PRKAR2A: variants seen among roughly 807,000 people sequenced by gnomAD.
PRKAR2A encodes the protein cAMP-dependent protein kinase type II-alpha regulatory subunit.
In PRKAR2A, 29 loss-of-function variants were observed where a neutral mutation model predicts 51.9. The ratio of observed to expected loss-of-function variants is 0.56; its 90% CI spans 0.42 to 0.76. PRKAR2A has a LOEUF of 0.76. Among genes scored for constraint, PRKAR2A ranks in the 30% least tolerant of loss-of-function variants. The pLI, the probability that PRKAR2A is intolerant of heterozygous loss-of-function variation, is 0.00. For synonymous variants in PRKAR2A, 178 were observed against 186.2 expected (o/e 0.96, Z 0.36); for missense variants, 445 against 512.1 (o/e 0.87, Z 1.26).
intron 1 of PRKAR2A, among the ~76,000 whole-genome samples, chr3:48,836,419 T>TAAAAAAAAAAAAAAAAAAAAAAA (rs548970318): frequency 4.3e-4 from 24 of 56,096 alleles, no homozygotes; most frequent in Non-Finnish European, 5.5e-4. Flanking sequence ...AGACTCCGTC[T>TAAAAAAAAAAAAAAAAAAAAAAA]AAAAAAAAAA....
rs571284399 is a variant in PRKAR2A, at chr3:48,753,992, G to A, written c.940-1675C>T. ...AGCTCACTGCAAGCTCTGCCTCCTG[G>A]GCTCATGCCATTCTCCTGCCTCAGC... On this transcript the variant is annotated intron_variant, in intron 9 of 10. Transcript: ENST00000265563. 7.3e-5 allele frequency among the ~76,000 whole-genome samples: 11 copies of A among 150,214 alleles called. No individual in the cohort carries two copies. The East Asian group carries it at 2.2e-3, about 29-fold the overall frequency.
intron 5 of PRKAR2A, among the ~76,000 whole-genome samples, chr3:48,773,980 G>T (rs1215335069): frequency 6.6e-6 from 1 of 151,290 alleles, no homozygotes; most frequent in Non-Finnish European, 1.5e-5. Context: ...GACCACAGAC[G>T]TGTGCCACCA....
At chr3:48,820,816 A>C (rs755243473) in intron 1 of PRKAR2A, among the ~76,000 whole-genome samples, 54 of 152,166 alleles carry the variant, frequency 3.5e-4, no homozygotes, top group Non-Finnish European at 6.2e-4. Context: ...GGCATATGCA[A>C]AGGAAAAGAA....
At chr3:48,778,130 G>C (rs900886126) in intron 5 of PRKAR2A, among the ~76,000 whole-genome samples, 2 of 152,070 alleles carry the variant, frequency 1.3e-5, no homozygotes, top group Non-Finnish European at 2.9e-5. Flanking sequence ...TTGAGGTCAG[G>C]AACTGTACCT....
intron 1 of PRKAR2A, among the ~76,000 whole-genome samples, chr3:48,830,418 T>C (rs2083169720): frequency 6.6e-6 from 1 of 152,194 alleles, no homozygotes; most frequent in Non-Finnish European, 1.5e-5. Flanking sequence ...GAATACCATT[T>C]GAAGGACCTG....
intron 5 of PRKAR2A, among the ~76,000 whole-genome samples, chr3:48,780,394 G>A (rs2082174459): frequency 6.6e-6 from 1 of 151,998 alleles, no homozygotes; most frequent in East Asian, 1.9e-4. Context: ...ACGAGGTCAG[G>A]AGTTCGAGAC....
intron 9 of PRKAR2A, among the ~76,000 whole-genome samples, chr3:48,753,288 TAG>T (rs2081694076): frequency 6.6e-6 from 1 of 151,732 alleles, no homozygotes; most frequent in South Asian, 2.1e-4. Context: ...TATTAATATC[TAG>T]AGGTTTTTTT....
rs763536785 is a variant in PRKAR2A, at chr3:48,847,138, G to A, written c.262+197C>T. Among the ~76,000 whole-genome samples, 4 of 152,220 alleles carry A rather than the reference G, an allele frequency of 2.6e-5. No homozygotes were observed. Among genetic ancestry groups the A allele is most frequent in the Middle Eastern group, 3.2e-3 (1 of 316 alleles). On this transcript the variant is annotated intron_variant, in intron 1 of 10. Transcript: ENST00000265563. The surrounding 1 kb of genome is among the most constrained non-coding windows in gnomAD (Gnocchi z 4.4). ...ACTCGGTGCGCTCTAGGGCTCGCAG[G>A]ATCGCGGAGCTCAATTTGGAAGTGG...
At chr3:48,783,604 G>T (rs560390560) in intron 4 of PRKAR2A, among the ~76,000 whole-genome samples, 6 of 151,918 alleles carry the variant, frequency 3.9e-5, no homozygotes, top group African/African-American at 7.3e-5. Context: ...TTCTGGAGAC[G>T]GAGTCTCACT....
chr3:48,792,807 A>G (rs1370028809), intron 3 of PRKAR2A, among the ~76,000 whole-genome samples: 2 of 152,022 alleles, frequency 1.3e-5, no homozygotes, highest in East Asian at 1.9e-4. Flanking sequence ...TGCCCTCATA[A>G]AAGTAATTTA....
chr3:48,778,820 CAT>C (rs2082145451), intron 5 of PRKAR2A, among the ~76,000 whole-genome samples: 1 of 128,564 alleles, frequency 7.8e-6, no homozygotes, highest in African/African-American at 3.0e-5. Context: ...GCTCGGCCTG[CAT>C]TTTTTTTTTT....
At chr3:48,840,320 C>A (rs959197029) in intron 1 of PRKAR2A, among the ~76,000 whole-genome samples, 2 of 151,900 alleles carry the variant, frequency 1.3e-5, no homozygotes, top group Non-Finnish European at 2.9e-5. Flanking sequence ...CATGGTGAAA[C>A]CCCGTCTCTA....
intron 1 of PRKAR2A, among the ~76,000 whole-genome samples, chr3:48,838,719 C>T (rs2083326366): frequency 6.6e-6 from 1 of 152,118 alleles, no homozygotes; most frequent in Non-Finnish European, 1.5e-5. Context: ...TGGCTCATGC[C>T]TGTAATCTCA....
chr3:48,838,963 G>A (rs2083331559), intron 1 of PRKAR2A, among the ~76,000 whole-genome samples: 3 of 149,548 alleles, frequency 2.0e-5, no homozygotes, highest in Admixed American at 6.7e-5. Flanking sequence ...CAGCCTGGGC[G>A]ACAGAGCAAG....
rs1399808016 is a variant in PRKAR2A, at chr3:48,829,777, C to T, written c.262+17558G>A. ...TTTTATATACATACGTATATATACG[C>T]ATGTATATAAAATATATGCGTATAT... On this transcript the variant is annotated intron_variant, in intron 1 of 10. Transcript: ENST00000265563. 6.3e-5 allele frequency among the ~76,000 whole-genome samples: 8 copies of T among 126,916 alleles called. No homozygotes were observed. In the South Asian group the frequency reaches 9.5e-4, roughly 15 times the overall value. 83.3% of individuals were successfully genotyped at this position (126,916 alleles called of 152,430 possible).
chr3:48,823,461 G>A (rs1220852547), intron 1 of PRKAR2A, among the ~76,000 whole-genome samples: 1 of 151,852 alleles, frequency 6.6e-6, no homozygotes, highest in Non-Finnish European at 1.5e-5. Context: ...CACATATTTG[G>A]TCACAGAAGT....
Position 48,800,527 on chromosome 3 carries a change from T to C in PRKAR2A, c.299-6478A>G, listed in dbSNP as rs552954248. 8.1e-5 allele frequency among the ~76,000 whole-genome samples: 12 copies of C among 148,998 alleles called. No individual in the cohort carries two copies. In the South Asian group the frequency reaches 2.4e-3, roughly 29 times the overall value. ...ACTCCGTCTCAAAAAAAAAAAAAAC[T>C]ATATACACACACACACACACACACA... On this transcript the variant is annotated intron_variant, in intron 2 of 10. Transcript: ENST00000265563.
chr3:48,752,789 T>C (rs2081673880), intron 9 of PRKAR2A, among the ~76,000 whole-genome samples: 1 of 151,888 alleles, frequency 6.6e-6, no homozygotes, highest in Non-Finnish European at 1.5e-5. Context: ...CCTTCAACTG[T>C]TGGCCTCAAG....
intron 1 of PRKAR2A, among the ~76,000 whole-genome samples, chr3:48,838,213 A>G (rs1301705109): frequency 5.3e-5 from 8 of 151,972 alleles, no homozygotes; most frequent in Admixed American, 4.6e-4. Flanking sequence ...ATATGATTCC[A>G]TTTATATGAA....
Sources: allele counts gnomAD v4.1 joint callset (sites outside exome capture counted in the v4.1 genomes callset), GRCh38; gene constraint gnomAD v4.1.1; non-coding constraint Gnocchi (gnomAD v3.1); transcripts MANE v1.5; gene names NCBI Gene and HGNC (gene_info 2026-07-23, HGNC 2026-07-21).